LRRTM4: variants seen among roughly 807,000 people sequenced by gnomAD.
LRRTM4 encodes leucine rich repeat transmembrane neuronal 4.
LRRTM4 carries 25 observed loss-of-function variants against 47.6 expected under a neutral mutation model. That is an observed-to-expected ratio of 0.53 (90% CI 0.38 to 0.73). The LOEUF is 0.73. Among genes scored for constraint, LRRTM4 ranks in the 30% least tolerant of loss-of-function variants. The probability of loss-of-function intolerance (pLI) is 0.00; values close to 1 mark genes in which losing one functional copy is unlikely to be tolerated. For missense variants in LRRTM4, 638 were observed against 713.4 expected, an observed-to-expected ratio of 0.89 and a Z score of 1.20; for synonymous variants, 311 against 269.5, an observed-to-expected ratio of 1.15 and a Z score of -1.51.
intron 3 of LRRTM4, among the ~76,000 whole-genome samples, chr2:77,121,354 A>T (rs943307630): frequency 6.6e-6 from 1 of 151,860 alleles, no homozygotes; most frequent in Admixed American, 6.6e-5. Flanking sequence ...AGACAAGAAC[A>T]TAGCATAATA....
intron 3 of LRRTM4, among the ~76,000 whole-genome samples, chr2:76,891,899 T>C (rs1325617778): frequency 6.6e-6 from 1 of 151,498 alleles, no homozygotes; most frequent in Non-Finnish European, 1.5e-5. Context: ...ATGGCAAAAG[T>C]CAAAATAAAA....
chr2:77,011,072 C>T (rs182064611), intron 3 of LRRTM4, among the ~76,000 whole-genome samples: 18 of 152,004 alleles, frequency 1.2e-4, no homozygotes, highest in African/African-American at 4.3e-4. Flanking sequence ...CCACAAGAGC[C>T]GTATCTAGAA....
chr2:77,282,677 G>T (rs555043866), intron 3 of LRRTM4, among the ~76,000 whole-genome samples: 1 of 151,454 alleles, frequency 6.6e-6, no homozygotes. Context: ...TAGAAAACCC[G>T]GAAAATAAGT....
chr2:77,202,249 A>C (rs1202653403), intron 3 of LRRTM4, among the ~76,000 whole-genome samples: 2 of 152,152 alleles, frequency 1.3e-5, no homozygotes, highest in Non-Finnish European at 2.9e-5. Context: ...ATGCTTTAAA[A>C]TCACCATTTC....
chr2:76,894,439 T>G (rs937124379), intron 3 of LRRTM4, among the ~76,000 whole-genome samples: 2 of 152,088 alleles, frequency 1.3e-5, no homozygotes, highest in Non-Finnish European at 2.9e-5. Flanking sequence ...TGACCAGTTT[T>G]GAGGATATGT....
At chr2:77,159,166 G>A (rs1450839710) in intron 3 of LRRTM4, among the ~76,000 whole-genome samples, 1 of 150,530 alleles carries the variant, frequency 6.6e-6, no homozygotes, top group African/African-American at 2.4e-5. Flanking sequence ...TTCACCAACA[G>A]GTGATTTAGC....
At chr2:77,343,172 G>C (rs982673336) in intron 3 of LRRTM4, among the ~76,000 whole-genome samples, 7 of 151,920 alleles carry the variant, frequency 4.6e-5, no homozygotes, top group African/African-American at 1.7e-4. Flanking sequence ...TTGAGTTTCT[G>C]TCACTTGCAA....
intron 3 of LRRTM4, among the ~76,000 whole-genome samples, chr2:76,800,039 A>G (rs1388533964): frequency 6.6e-6 from 1 of 151,954 alleles, no homozygotes; most frequent in Admixed American, 6.6e-5. Flanking sequence ...AAGGTAATTT[A>G]CAGATTCAAT....
chr2:76,815,900 TTC>T (rs1221244880), intron 3 of LRRTM4, among the ~76,000 whole-genome samples: 1 of 152,128 alleles, frequency 6.6e-6, no homozygotes, highest in Non-Finnish European at 1.5e-5. Context: ...TTCTAAAACT[TTC>T]TGAAATTGAT....
At chr2:77,146,818 G>A (rs1672272921) in intron 3 of LRRTM4, among the ~76,000 whole-genome samples, 1 of 152,062 alleles carries the variant, frequency 6.6e-6, no homozygotes. Flanking sequence ...AGCAACTTAT[G>A]CAGACAGTTG....
intron 3 of LRRTM4, among the ~76,000 whole-genome samples, chr2:77,373,641 CA>C (rs1441800738): frequency 2.0e-5 from 3 of 151,752 alleles, no homozygotes; most frequent in Non-Finnish European, 4.4e-5. Flanking sequence ...AGGAATTTGA[CA>C]AAGGCACCAT....
intron 3 of LRRTM4, among the ~76,000 whole-genome samples, chr2:76,781,478 C>A (rs559154128): frequency 1.9e-4 from 29 of 152,362 alleles, no homozygotes; most frequent in Admixed American, 5.9e-4. Flanking sequence ...TTAAGCCCGT[C>A]TGAAAAGCGC....
chr2:76,881,485 C>A (rs199898685), intron 3 of LRRTM4, among the ~76,000 whole-genome samples: 1 of 102,062 alleles, frequency 9.8e-6, no homozygotes, highest in African/African-American at 3.7e-5. Context: ...TTTTTTTTTG[C>A]TTTTAAATGT....
chr2:77,114,621 G>A (rs1050167197), intron 3 of LRRTM4, among the ~76,000 whole-genome samples: 6 of 152,096 alleles, frequency 3.9e-5, no homozygotes, highest in Non-Finnish European at 7.4e-5. Flanking sequence ...ATATTTCAAC[G>A]TAGGTTCTTT....
intron 3 of LRRTM4, among the ~76,000 whole-genome samples, chr2:77,354,994 A>C (rs1671917790): frequency 6.6e-6 from 1 of 152,176 alleles, no homozygotes; most frequent in Admixed American, 6.5e-5. Context: ...ATACAACTGC[A>C]CAATCGCTCA....
chr2:76,780,692 C>A (rs138088020), intron 3 of LRRTM4, among the ~76,000 whole-genome samples: 41,511 of 151,762 alleles, frequency 0.27, 6,196 homozygotes, highest in Non-Finnish European at 0.33. Context: ...AACTTCTTTG[C>A]CTTTGGTTTC....
intron 3 of LRRTM4, among the ~76,000 whole-genome samples, chr2:77,111,107 T>C (rs2103934057): frequency 6.6e-6 from 1 of 152,034 alleles, no homozygotes; most frequent in Non-Finnish European, 1.5e-5. Flanking sequence ...CCCTGTTTTT[T>C]GTTTTGTTTT....
At chr2:77,220,617 G>T (rs1056799307) in intron 3 of LRRTM4, among the ~76,000 whole-genome samples, 6 of 152,150 alleles carry the variant, frequency 3.9e-5, no homozygotes, top group Non-Finnish European at 8.8e-5. Context: ...GATGGAAGAT[G>T]AAATGAATGA....
intron 3 of LRRTM4, among the ~76,000 whole-genome samples, chr2:77,314,890 G>T (rs925470129): frequency 3.9e-5 from 6 of 152,146 alleles, no homozygotes; most frequent in African/African-American, 1.4e-4. Context: ...AAAGCTTCCA[G>T]CTAGCCAGGC....
Sources: allele counts gnomAD v4.1 joint callset (sites outside exome capture counted in the v4.1 genomes callset), GRCh38; gene constraint gnomAD v4.1.1; transcripts MANE v1.5; gene names NCBI Gene and HGNC (gene_info 2026-07-23, HGNC 2026-07-21).